The following CCDC30 variants were observed in gnomAD, a reference collection of about 807,000 sequenced individuals.
CCDC30 encodes coiled-coil domain-containing protein 30.
CCDC30 carries 70 observed loss-of-function variants against 100.2 expected under a neutral mutation model. That is an observed-to-expected ratio of 0.70 (90% confidence interval 0.58 to 0.85). The LOEUF (loss-of-function observed/expected upper bound fraction) is 0.85. Ranked by LOEUF, CCDC30 falls within the 40% of genes least tolerant of loss-of-function variation. The probability of loss-of-function intolerance (pLI) is 0.00; values close to 1 mark genes in which losing one functional copy is unlikely to be tolerated. For missense variants in CCDC30, 652 were observed against 771.2 expected, an observed-to-expected ratio of 0.85 and a Z score of 1.83; for synonymous variants, 233 against 269.5, an observed-to-expected ratio of 0.86 and a Z score of 1.33.
chr1:42,505,994 T>A (rs1260869774), intron 6 of CCDC30, among the ~76,000 whole-genome samples: 1 of 152,250 alleles, frequency 6.6e-6, no homozygotes, highest in African/African-American at 2.4e-5. Flanking sequence ...GGATTCTTAT[T>A]GTACTGATGC....
chr1:42,610,983 C>CA lies in CCDC30; in HGVS notation c.1174dup (p.Ser392LysfsTer11). On this transcript the variant is annotated frameshift_variant, in exon 11 of 17. Transcript: ENST00000668663. LOFTEE classifies it high-confidence loss of function. ...TATTTTTCAATGTTTTTCAGCATGT[C>CA]AAAAGCAACCAGGAATTGTCAGAGA... The CA allele has an allele frequency of 1.3e-6, 2 of 1,589,774 alleles. No individual in the cohort carries two copies. Among genetic ancestry groups the CA allele is most frequent in the East Asian group, 2.2e-5 (1 of 44,536 alleles).
chr1:42,458,020 T>C, the CCDC30 span, among the ~76,000 whole-genome samples: 1 of 149,414 alleles, frequency 6.7e-6, no homozygotes, highest in African/African-American at 2.5e-5. Context: ...GTGGGAAAGG[T>C]CATTCCAGGT....
intron 6 of CCDC30, among the ~76,000 whole-genome samples, chr1:42,559,047 G>A (rs549875026): frequency 2.2e-4 from 33 of 152,128 alleles, no homozygotes; most frequent in African/African-American, 4.3e-4. Context: ...AAAACTAAGC[G>A]TCATAAGTGA....
chr1:42,625,929 G>A (rs1646924626), intron 11 of CCDC30, among the ~76,000 whole-genome samples: 2 of 152,028 alleles, frequency 1.3e-5, no homozygotes, highest in African/African-American at 4.8e-5. Flanking sequence ...TGGAAAATCT[G>A]TCCAATGCTG....
chr1:42,543,578 A>C (rs994879921), intron 6 of CCDC30, among the ~76,000 whole-genome samples: 1 of 152,048 alleles, frequency 6.6e-6, no homozygotes, highest in Non-Finnish European at 1.5e-5. Context: ...GCAGCTCCTT[A>C]CTTTGTAGCC....
At chr1:42,537,036 G>C (rs1321157948) in intron 6 of CCDC30, 2 of 366,628 alleles carry the variant, frequency 5.5e-6, no homozygotes, top group Non-Finnish European at 1.1e-5. Flanking sequence ...TCAACAATAT[G>C]AATAGGGAGG....
chr1:42,640,563 C>T (rs529523286), intron 12 of CCDC30, among the ~76,000 whole-genome samples: 10 of 152,226 alleles, frequency 6.6e-5, no homozygotes, highest in South Asian at 2.1e-4. Flanking sequence ...ATAGCTTTTT[C>T]GGAACATAAT....
At chr1:42,491,823 G>T in intron 4 of CCDC30, 1 of 346,724 alleles carries the variant, frequency 2.9e-6, no homozygotes, top group Non-Finnish European at 5.6e-6. Context: ...TTCTAAGAAA[G>T]ATTGGTGTGA....
chr1:42,466,220 T>G (rs903563942), intron 1 of CCDC30, among the ~76,000 whole-genome samples: 2 of 152,142 alleles, frequency 1.3e-5, no homozygotes, highest in African/African-American at 4.8e-5. Context: ...CTAGAGTCAC[T>G]CAAAGACTTT....
chr1:42,589,359 A>T (rs751052861), exon 10 of CCDC30: 1 of 1,612,726 alleles, frequency 6.2e-7, no homozygotes, highest in East Asian at 2.2e-5. Flanking sequence ...TTACACAGGC[A>T]AGTGAGAACC....
chr1:42,616,536 G>A (rs926987990), intron 11 of CCDC30, among the ~76,000 whole-genome samples: 8 of 152,026 alleles, frequency 5.3e-5, no homozygotes, highest in Middle Eastern at 3.2e-3. Context: ...TATTTTTTAC[G>A]TTTTCTCTAC....
exon 17 of CCDC30, chr1:42,654,062 G>C (rs370003046): frequency 5.8e-5 from 88 of 1,524,266 alleles, no homozygotes; most frequent in Middle Eastern, 3.4e-4. Flanking sequence ...CTGAACAAAA[G>C]TGGTAATTTA....
chr1:42,484,072 A>T (rs1427319060), intron 3 of CCDC30, among the ~76,000 whole-genome samples: 2 of 151,544 alleles, frequency 1.3e-5, no homozygotes, highest in African/African-American at 4.8e-5. Context: ...CATAAACATT[A>T]AAAATGTTAA....
intron 1 of CCDC30, among the ~76,000 whole-genome samples, chr1:42,469,133 CTT>C (rs1424850930): frequency 6.6e-6 from 1 of 152,108 alleles, no homozygotes; most frequent in African/African-American, 2.4e-5. Flanking sequence ...AATCCCAGCA[CTT>C]TGAGAGGCTG....
chr1:42,536,505 A>G, intron 6 of CCDC30: 2 of 1,608,052 alleles, frequency 1.2e-6, no homozygotes, highest in South Asian at 2.2e-5. Context: ...AAAAAAATGA[A>G]ATGTTTGAAA....
At chr1:42,605,586 C>T (rs1407874310) in intron 10 of CCDC30, among the ~76,000 whole-genome samples, 2 of 152,114 alleles carry the variant, frequency 1.3e-5, no homozygotes, top group Admixed American at 1.3e-4. Context: ...TTAAGTCATC[C>T]TCTCACCGCA....
At chr1:42,585,389 T>C (rs1419224998) in intron 9 of CCDC30, among the ~76,000 whole-genome samples, 2 of 152,126 alleles carry the variant, frequency 1.3e-5, no homozygotes, top group Non-Finnish European at 2.9e-5. Flanking sequence ...TGTGAGCCAT[T>C]GTGCCTGGCC....
chr1:42,556,523 A>G (rs1361685529), intron 6 of CCDC30, 118 bp downstream of exon 10: 2 of 1,109,706 alleles, frequency 1.8e-6, no homozygotes, highest in Non-Finnish European at 2.5e-6. Flanking sequence ...TTTTAGGTAC[A>G]TAGTAGATGT....
intron 6 of CCDC30, among the ~76,000 whole-genome samples, chr1:42,513,836 A>G (rs1014430538): frequency 3.3e-5 from 5 of 152,206 alleles, no homozygotes; most frequent in Admixed American, 2.0e-4. Context: ...AAGAAGCATA[A>G]TGATGGCATC....
Sources: allele counts gnomAD v4.1 joint callset (sites outside exome capture counted in the v4.1 genomes callset), GRCh38; gene constraint gnomAD v4.1.1; transcripts MANE v1.5; gene names NCBI Gene and HGNC (gene_info 2026-07-23, HGNC 2026-07-21).